CFTR: variants seen among roughly 807,000 people sequenced by gnomAD.
CFTR encodes cystic fibrosis transmembrane conductance regulator.
In CFTR, 181 loss-of-function variants were observed where a neutral mutation model predicts 171.6. The observed-to-expected ratio is 1.05, with a 90% CI of 0.93 to 1.19. CFTR has a LOEUF of 1.19. Among genes scored for constraint, CFTR ranks in the 50% most tolerant of loss-of-function variants. The pLI is 0.00. For synonymous variants in CFTR, 583 were observed against 608.0 expected (o/e 0.96, Z 0.60); for missense variants, 1,968 against 1,734.7 (o/e 1.13, Z -2.39).
intron 10 of CFTR, among the ~76,000 whole-genome samples, chr7:117,550,286 GAGCCATGA>G (rs141298804): frequency 0.014 from 2,170 of 151,332 alleles, 51 homozygotes; most frequent in African/African-American, 0.05. Flanking sequence ...AGGCTGCAGT[GAGCCATGA>G]TTGCACCACT....
At chr7:117,586,912 G>C (rs887469739) in intron 11 of CFTR, among the ~76,000 whole-genome samples, 1 of 151,944 alleles carries the variant, frequency 6.6e-6, no homozygotes. Context: ...AAATTAATTT[G>C]CCAATTAATT....
At chr7:117,603,005 G>T in intron 16 of CFTR, 142 bp downstream of exon 16, 1 of 875,504 alleles carries the variant, frequency 1.1e-6, no homozygotes, top group East Asian at 2.4e-5. Flanking sequence ...AAGGTTTTTT[G>T]TTTAAATGAT....
chr7:117,522,938 C>T (rs887490258), intron 3 of CFTR, among the ~76,000 whole-genome samples: 10 of 152,046 alleles, frequency 6.6e-5, no homozygotes, highest in East Asian at 5.8e-4. Context: ...GGTGGGGTTT[C>T]GGAGTGCTAA....
rs751504707 is a variant in CFTR, at chr7:117,592,195, T to C, written c.2028T>C (p.Pro676=). Residue 676 remains proline, a synonymous_variant, in exon 14 of 27, where the codon CCT becomes CCC. Coordinates refer to ENST00000003084, the MANE Select transcript of CFTR (RefSeq NM_000492.4). ...LHRFSLEGDA[P]VSWTETKKQS... is the part of the protein sequence containing the mutation. ...GTTTCTCATTAGAAGGAGATGCTCCTGTCTCCTGGACAGAAACAAAAAAAC... is the reference window on the plus strand; with the variant it reads ...GTTTCTCATTAGAAGGAGATGCTCCCGTCTCCTGGACAGAAACAAAAAAAC... 2 of 1,613,780 alleles carry C rather than the reference T, an allele frequency of 1.2e-6. No homozygotes were observed. The highest frequency in any genetic ancestry group is 1.7e-6 in the Non-Finnish European group (2 of 1,179,970).
At chr7:117,644,337 G>A (rs371012148) in intron 23 of CFTR, among the ~76,000 whole-genome samples, 54 of 151,714 alleles carry the variant, frequency 3.6e-4, no homozygotes, top group African/African-American at 1.1e-3. Context: ...TTTTGATGTC[G>A]AAACCAAGAG....
At chr7:117,599,881 G>A (rs1792194939) in intron 15 of CFTR, among the ~76,000 whole-genome samples, 1 of 151,928 alleles carries the variant, frequency 6.6e-6, no homozygotes, top group Non-Finnish European at 1.5e-5. Flanking sequence ...TCACATTCTG[G>A]TACAACTGCT....
chr7:117,550,390 A>G (rs1244991815), intron 10 of CFTR, among the ~76,000 whole-genome samples: 1 of 151,996 alleles, frequency 6.6e-6, no homozygotes, highest in African/African-American at 2.4e-5. Context: ...TTCTCTCTCC[A>G]GTTGTTTTCC....
At chr7:117,524,502 T>A (rs185082864) in intron 3 of CFTR, among the ~76,000 whole-genome samples, 4 of 152,194 alleles carry the variant, frequency 2.6e-5, no homozygotes. Flanking sequence ...TAAAATAATT[T>A]TAAGGATTAA....
Position 117,592,382 on chromosome 7 carries a change from G to C in CFTR, c.2215G>C (p.Val739Leu). The C allele has an allele frequency of 6.2e-7, 1 of 1,614,150 alleles. No homozygotes were observed. Among genetic ancestry groups the C allele is most frequent in the Non-Finnish European group, 8.5e-7 (1 of 1,180,000 alleles). The part of the protein sequence containing the change: ...DEPLERRLSL[V>L]PDSEQGEAIL... ...GCCTTTAGAGAGAAGGCTGTCCTTA[G>C]TACCAGATTCTGAGCAGGGAGAGGC... Residue 739 changes from valine (V) to leucine (L), a missense_variant, in exon 14 of 27, where the codon GTA (valine) becomes CTA (leucine). By Grantham distance (32) the Val-to-Leu change is conservative. Coordinates refer to ENST00000003084, the MANE Select transcript of CFTR (RefSeq NM_000492.4).
intron 11 of CFTR, among the ~76,000 whole-genome samples, chr7:117,585,684 C>A (rs1791919623): frequency 6.6e-6 from 1 of 152,022 alleles, no homozygotes; most frequent in African/African-American, 2.4e-5. Context: ...CTCTGTCATC[C>A]AGGCTGCAGT....
chr7:117,606,709 AT>A lies in CFTR; in HGVS notation c.2948del (p.Leu983TrpfsTer17). The part of the protein sequence containing the change: ...ILNRFSKDIA[I>X]LDDLLPLTIF... ...TAATAGATTCTCCAAAGATATAGCA[AT>A]TTTGGATGACCTTCTGCCTCTTACC... On this transcript the variant is annotated frameshift_variant, in exon 18 of 27. Transcript: ENST00000003084. LOFTEE classifies it high-confidence loss of function. 1 of 1,595,128 alleles carries A rather than the reference AT, an allele frequency of 6.3e-7. No homozygotes were observed. Among genetic ancestry groups the A allele is most frequent in the Non-Finnish European group, 8.6e-7 (1 of 1,163,024 alleles).
At chr7:117,572,095 G>A (rs931852781) in intron 11 of CFTR, among the ~76,000 whole-genome samples, 4 of 152,076 alleles carry the variant, frequency 2.6e-5, no homozygotes, top group South Asian at 4.1e-4. Context: ...TCTGCCTCCC[G>A]GGTTCAAGCG....
chr7:117,552,219 C>A (rs1799284021), intron 10 of CFTR, among the ~76,000 whole-genome samples: 1 of 152,066 alleles, frequency 6.6e-6, no homozygotes, highest in East Asian at 1.9e-4. Flanking sequence ...ACCTTGAACT[C>A]CTGGGCTCAA....
At chr7:117,558,141 A>G (rs989699053) in intron 10 of CFTR, among the ~76,000 whole-genome samples, 4 of 151,396 alleles carry the variant, frequency 2.6e-5, no homozygotes, top group Non-Finnish European at 5.9e-5. Context: ...TCTTTCCTTT[A>G]TTATGAAGTC....
At chr7:117,561,718 C>T (rs768642676) in intron 11 of CFTR, among the ~76,000 whole-genome samples, 2 of 151,958 alleles carry the variant, frequency 1.3e-5, no homozygotes, top group African/African-American at 4.8e-5. Flanking sequence ...TCATATACTT[C>T]GGGAATTTGT....
chr7:117,523,304 C>G (rs995804602), intron 3 of CFTR, among the ~76,000 whole-genome samples: 1 of 151,942 alleles, frequency 6.6e-6, no homozygotes, highest in African/African-American at 2.4e-5. Flanking sequence ...TGTGATGGCA[C>G]CTATGAATAG....
rs1164550956 is a variant in CFTR, at chr7:117,667,151, T to G, written c.*43T>G. 11 of 1,552,854 alleles carry G rather than the reference T, an allele frequency of 7.1e-6. No homozygotes were observed. Among genetic ancestry groups the G allele is most frequent in the East Asian group, 2.3e-5 (1 of 43,962 alleles). On this transcript the variant is annotated 3_prime_UTR_variant, in exon 27 of 27. Coordinates refer to ENST00000003084, the MANE Select transcript of CFTR (RefSeq NM_000492.4). ...GACATGGGACATTTGCTCATGGAATTGGAGCTCGTGGGACAGTCACCTCAT... is the reference window on the plus strand; with the variant it reads ...GACATGGGACATTTGCTCATGGAATGGGAGCTCGTGGGACAGTCACCTCAT...
intron 8 of CFTR, among the ~76,000 whole-genome samples, chr7:117,541,258 G>GAA (rs1417402952): frequency 6.6e-6 from 1 of 152,156 alleles, no homozygotes; most frequent in East Asian, 1.9e-4. Flanking sequence ...GAGAGAGAGA[G>GAA]AGAAAGAAAG....
chr7:117,615,513 TGATAGCA>T (rs1348656024), intron 21 of CFTR, among the ~76,000 whole-genome samples: 1 of 151,956 alleles, frequency 6.6e-6, no homozygotes, highest in African/African-American at 2.4e-5. Context: ...CATTATTTAG[TGATAGCA>T]CCTTTCTTAT....
Sources: allele counts gnomAD v4.1 joint callset (sites outside exome capture counted in the v4.1 genomes callset), GRCh38; gene constraint gnomAD v4.1.1; transcripts MANE v1.5; gene names NCBI Gene and HGNC (gene_info 2026-07-23, HGNC 2026-07-21).